The following MAML3 variants were observed in gnomAD, a reference collection of about 807,000 sequenced individuals.
MAML3 encodes mastermind-like protein 3.
Under a neutral mutation model 101.9 loss-of-function variants are expected in MAML3, and 27 were observed. The observed-to-expected ratio is 0.27, with a 90% CI of 0.20 to 0.37. The LOEUF (loss-of-function observed/expected upper bound fraction) is 0.37, where lower values mean the gene tolerates loss of function less well. MAML3 is among the 10% of genes least tolerant of loss of function. The pLI, the probability that MAML3 is intolerant of heterozygous loss-of-function variation, is 1.00. For missense variants in MAML3, 1,316 were observed against 1,444.9 expected (o/e 0.91, Z 1.45); for synonymous variants, 501 against 555.9 (o/e 0.90, Z 1.39).
chr4:139,960,113 G>T (rs1286468421), intron 1 of MAML3, among the ~76,000 whole-genome samples: 1 of 152,116 alleles, frequency 6.6e-6, no homozygotes, highest in Non-Finnish European at 1.5e-5. Flanking sequence ...CCCTACATTG[G>T]GGGAGGAAGG....
intron 1 of MAML3, among the ~76,000 whole-genome samples, chr4:139,943,355 G>A (rs1028490806): frequency 6.6e-6 from 1 of 152,212 alleles, no homozygotes; most frequent in African/African-American, 2.4e-5. Context: ...GGGGTCACAA[G>A]TGGCCAGAGG....
At chr4:139,868,645 C>CTT (rs920484426) in intron 2 of MAML3, among the ~76,000 whole-genome samples, 5 of 151,974 alleles carry the variant, frequency 3.3e-5, no homozygotes, top group Admixed American at 3.3e-4. Flanking sequence ...GTAATAATAC[C>CTT]TTTATGACAA....
intron 1 of MAML3, among the ~76,000 whole-genome samples, chr4:139,922,983 G>T (rs759005383): frequency 1.7e-4 from 26 of 151,998 alleles, no homozygotes; most frequent in Non-Finnish European, 3.2e-4. Context: ...GAAATCTCAC[G>T]GGATCCCCTG....
chr4:139,842,841 C>T (rs1186549246), intron 2 of MAML3, among the ~76,000 whole-genome samples: 1 of 133,198 alleles, frequency 7.5e-6, no homozygotes. Context: ...TGCAGTGGCG[C>T]CATCTCGGCT....
intron 1 of MAML3, among the ~76,000 whole-genome samples, chr4:140,006,461 C>T (rs911340866): frequency 1.3e-5 from 2 of 151,758 alleles, no homozygotes; most frequent in East Asian, 1.9e-4. Flanking sequence ...TGGCGGGTGC[C>T]TGTAATCCCA....
chr4:139,729,340 C>A lies in MAML3; in HGVS notation c.2331+1076G>T, dbSNP rs146552936. 3.4e-3 allele frequency among the ~76,000 whole-genome samples: 519 copies of A among 152,186 alleles called. 3 individuals are homozygous for A. Among genetic ancestry groups the A allele is most frequent in the Middle Eastern group, 0.017 (5 of 294 alleles). ...GCTTAGTAAATTTGCAAAATTCTGGCAGGGCGTGGTGGCTCACATCTGTAA... is the reference window on the plus strand; with the variant it reads ...GCTTAGTAAATTTGCAAAATTCTGGAAGGGCGTGGTGGCTCACATCTGTAA... On this transcript the variant is annotated intron_variant, in intron 3 of 4. Transcript: ENST00000509479.
rs1371158302 is a variant in MAML3, at chr4:140,153,082, C to T, written c.246G>A (p.Glu82=). 5 of 1,557,302 alleles carry T rather than the reference C, an allele frequency of 3.2e-6. No individual in the cohort carries two copies. Among genetic ancestry groups the T allele is most frequent in the Non-Finnish European group, 4.3e-6 (5 of 1,150,404 alleles). Residue 82 remains glutamate, a synonymous_variant, in exon 1 of 5, where the codon GAG becomes GAA. Transcript: ENST00000509479. ...TVVERLRQRI[E]GCRRHHVNCE... ...AGTTGACGTGGTGCCGACGGCAGCC[C>T]TCGATGCGCTGGCGGAGCCGCTCCA... is the stretch of plus-strand genomic sequence containing the variant.
intron 1 of MAML3, among the ~76,000 whole-genome samples, chr4:140,135,977 TA>T (rs1378717741): frequency 2.0e-5 from 3 of 152,086 alleles, no homozygotes; most frequent in African/African-American, 7.2e-5. Flanking sequence ...CCAAACCACA[TA>T]ATATTTATTC....
intron 2 of MAML3, among the ~76,000 whole-genome samples, chr4:139,826,092 G>A (rs1731055979): frequency 6.6e-6 from 1 of 152,054 alleles, no homozygotes. Flanking sequence ...CACTGGCTAG[G>A]ATGGGTCTCT....
intron 1 of MAML3, among the ~76,000 whole-genome samples, chr4:140,035,587 G>A (rs1334018124): frequency 3.9e-5 from 6 of 152,044 alleles, no homozygotes; most frequent in East Asian, 1.9e-4. Context: ...ACGAGGTCAG[G>A]AGATCAAGAC....
chr4:140,147,515 G>C (rs570445411), intron 1 of MAML3, among the ~76,000 whole-genome samples: 1 of 152,170 alleles, frequency 6.6e-6, no homozygotes, highest in Non-Finnish European at 1.5e-5. Flanking sequence ...GGCAGCAGGT[G>C]GGGGGAAGGA....
At chr4:139,913,795 G>A (rs1022933955) in intron 1 of MAML3, among the ~76,000 whole-genome samples, 10 of 152,134 alleles carry the variant, frequency 6.6e-5, no homozygotes, top group African/African-American at 2.2e-4. Context: ...TGGATTATTT[G>A]GTTAGGCAGA....
rs921255023 is a variant in MAML3, at chr4:139,767,679, C to T, written c.2080-37012G>A. ...GAATCCAAACTTTTAAATTTATTCT[C>T]ACATAGTATTTCTTAAATGAAAGGT... is the stretch of plus-strand genomic sequence containing the variant. On this transcript the variant is annotated intron_variant, in intron 2 of 4. Transcript: ENST00000509479. Among the ~76,000 whole-genome samples the T allele has an allele frequency of 6.3e-4, 96 of 152,218 alleles. 4 individuals are homozygous for T. Among genetic ancestry groups the T allele is most frequent in the African/African-American group, 4.8e-5 (2 of 41,460 alleles).
intron 2 of MAML3, among the ~76,000 whole-genome samples, chr4:139,811,863 G>C (rs1455423901): frequency 6.6e-6 from 1 of 152,206 alleles, no homozygotes; most frequent in African/African-American, 2.4e-5. Context: ...TTGGGAACTA[G>C]AAAGTGGATG....
At chr4:139,931,994 G>A (rs894141582) in intron 1 of MAML3, among the ~76,000 whole-genome samples, 2 of 152,130 alleles carry the variant, frequency 1.3e-5, no homozygotes, top group South Asian at 2.1e-4. Context: ...ACTCCAGCCT[G>A]GGCGATAAGA....
chr4:139,948,861 G>GGCACA (rs1733781944), intron 1 of MAML3, among the ~76,000 whole-genome samples: 4 of 152,124 alleles, frequency 2.6e-5, no homozygotes. Context: ...AGAAAACCGA[G>GGCACA]GCACAGGTAA....
intron 2 of MAML3, among the ~76,000 whole-genome samples, chr4:139,732,670 C>G (rs1728774719): frequency 6.6e-6 from 1 of 150,478 alleles, no homozygotes; most frequent in South Asian, 2.1e-4. Flanking sequence ...TATCGGGGTA[C>G]AGGTGGTATT....
At chr4:139,764,038 C>A (rs574885115) in intron 2 of MAML3, among the ~76,000 whole-genome samples, 2 of 152,240 alleles carry the variant, frequency 1.3e-5, no homozygotes, top group South Asian at 4.2e-4. Context: ...AGAAGCTATG[C>A]CAAGTGAAAG....
chr4:139,723,460 G>A (rs1052197538), intron 4 of MAML3, among the ~76,000 whole-genome samples: 3 of 152,078 alleles, frequency 2.0e-5, no homozygotes, highest in Admixed American at 6.5e-5. Context: ...ACAGGCATGC[G>A]CCACTATGCC....
Sources: gnomAD v4.1 joint callset for allele counts (sites outside exome capture counted in the v4.1 genomes callset) on GRCh38, gnomAD v4.1.1 for gene constraint, MANE v1.5 for transcripts, NCBI Gene and HGNC (gene_info 2026-07-23, HGNC 2026-07-21) for gene names.